The following ZNF653 variants were observed in gnomAD, a reference collection of about 807,000 sequenced individuals.
ZNF653 encodes the protein 67 kDa zinc finger protein.
ZNF653 carries 37 observed loss-of-function variants against 59.9 expected under a neutral mutation model. The observed-to-expected ratio is 0.62, with a 90% confidence interval of 0.48 to 0.81. The LOEUF (loss-of-function observed/expected upper bound fraction) is 0.81. Ranked by LOEUF, ZNF653 falls within the 40% of genes least tolerant of loss-of-function variation. The pLI is 0.00. For missense variants in ZNF653, 808 were observed against 881.1 expected, an observed-to-expected ratio of 0.92 and a Z score of 1.05; for synonymous variants, 435 against 371.8, an observed-to-expected ratio of 1.17 and a Z score of -1.96.
chr19:11,485,671 T>C lies in ZNF653; in HGVS notation c.1555A>G (p.Met519Val), dbSNP rs1186237714. ...FYLSNHLRRHMIIHSGVREFT... is the reference protein window; with the variant it reads ...FYLSNHLRRHVIIHSGVREFT... Reference sequence around the variant, plus strand: ...AGGGCCTGACCTGAATGGATGATCATGTGCCGCCGCAGGTGGTTGGATAAA... The same window carrying C: ...AGGGCCTGACCTGAATGGATGATCACGTGCCGCCGCAGGTGGTTGGATAAA... Residue 519 changes from methionine (M) to valine (V), a missense_variant, in exon 7 of 9, where the codon ATG becomes GTG. By Grantham distance (21) the Met-to-Val change is conservative. Transcript: ENST00000293771. The C allele has an allele frequency of 1.9e-6, 3 of 1,613,920 alleles. No homozygotes were observed. Among genetic ancestry groups the C allele is most frequent in the South Asian group, 1.1e-5 (1 of 91,084 alleles).
intron 3 of ZNF653, among the ~76,000 whole-genome samples, chr19:11,493,917 G>C (rs938457184): frequency 2.0e-5 from 3 of 152,082 alleles, no homozygotes; most frequent in Non-Finnish European, 2.9e-5. Flanking sequence ...TACTCAGGAG[G>C]CCAGGGTGGG....
chr19:11,484,305 A>G (rs1253054052), intron 7 of ZNF653, among the ~76,000 whole-genome samples, 164 bp from the exon 8 acceptor site: 2 of 152,026 alleles, frequency 1.3e-5, no homozygotes, highest in Non-Finnish European at 2.9e-5. Context: ...ATTTGCCCAC[A>G]GACGCCATCA....
rs1971591364 is a variant in ZNF653, at chr19:11,496,586, G to A, written c.344-421C>T. On this transcript the variant is annotated intron_variant, in intron 2 of 8. Coordinates refer to ENST00000293771, the MANE Select transcript of ZNF653 (RefSeq NM_138783.4). ...TCCCTCCTCTGCTCAGAATCCACTG[G>A]GCCAGGCGCAATGACTCACACCTGC... 2.1e-5 allele frequency among the ~76,000 whole-genome samples: 3 copies of A among 142,144 alleles called. 1 individual carries two copies. The South Asian group carries it at 6.2e-4, about 30-fold the overall frequency. 93.3% of individuals were successfully genotyped at this position (142,144 alleles called of 152,430 possible).
intron 1 of ZNF653, 40 bp downstream of exon 1, chr19:11,505,448 G>A (rs1280458714): frequency 7.1e-7 from 1 of 1,404,724 alleles, no homozygotes; most frequent in Non-Finnish European, 9.2e-7. Flanking sequence ...GGGTCTGGGG[G>A]CGTCTCCTCC....
In ZNF653 at chr19:11,505,359, G is replaced by T. The variant is rs112165363; in HGVS notation, c.299+129C>A. On this transcript the variant is annotated intron_variant, in intron 1 of 8. Coordinates refer to ENST00000293771, the MANE Select transcript of ZNF653 (RefSeq NM_138783.4). ...GGCCAGGCAGTACGAGACCCAGGCC[G>T]CCGGCCCGGCTCCTGGGCGGGGTCC... 5 of 1,009,540 alleles carry T rather than the reference G, an allele frequency of 5.0e-6. No individual in the cohort carries two copies. In the African/African-American group the frequency reaches 6.9e-5, roughly 14 times the overall value. The allele number at this position is 1,009,540 out of a possible 1,614,324, so 62.5% of individuals were successfully genotyped here. A position where few individuals can be genotyped will look rare whatever the true frequency, so the allele number is the denominator to read the frequency against.
intron 1 of ZNF653, chr19:11,500,913 C>T (rs150424487): frequency 2.5e-3 from 376 of 152,608 alleles, no homozygotes; most frequent in Middle Eastern, 6.8e-3. Context: ...TTCCAACCCC[C>T]ACACAGGGCT....
Position 11,483,524 on chromosome 19 carries a change from G to GT in ZNF653, c.*157dup. Reference sequence around the variant, plus strand: ...TCCGAGAAGGATGCGGTGGGGCGGGGTGGGGAACCTGCCCAGGGGGCCCAG... The same window carrying GT: ...TCCGAGAAGGATGCGGTGGGGCGGGGTTGGGGAACCTGCCCAGGGGGCCCAG... On this transcript the variant is annotated 3_prime_UTR_variant, in exon 9 of 9. Transcript: ENST00000293771. 1 of 1,405,552 alleles carries GT rather than the reference G, an allele frequency of 7.1e-7. No individual in the cohort carries two copies. The highest frequency in any genetic ancestry group is 9.3e-7 in the Non-Finnish European group (1 of 1,079,620). The allele number at this position is 1,405,552 out of a possible 1,614,324, so 87.1% of individuals were successfully genotyped here.
chr19:11,487,958 T>A lies in ZNF653; in HGVS notation c.560-55A>T. The A allele has an allele frequency of 7.7e-7, 1 of 1,301,318 alleles. No individual in the cohort carries two copies. The highest frequency in any genetic ancestry group is 2.7e-5 in the South Asian group (1 of 36,522). 80.6% of individuals were successfully genotyped at this position (1,301,318 alleles called of 1,614,324 possible). A position where few individuals can be genotyped will look rare whatever the true frequency, so the allele number is the denominator to read the frequency against. ...TGATAGCTGCAGCCACTGGTATTTGTTTATTTAGTTTTTATTTTATTTTAT... is the reference window on the plus strand; with the variant it reads ...TGATAGCTGCAGCCACTGGTATTTGATTATTTAGTTTTTATTTTATTTTAT... On this transcript the variant is annotated intron_variant, in intron 3 of 8. Coordinates refer to ENST00000293771, the MANE Select transcript of ZNF653 (RefSeq NM_138783.4). The surrounding 1 kb of genome is among the most constrained non-coding windows in gnomAD (Gnocchi z 5.1).
intron 3 of ZNF653, among the ~76,000 whole-genome samples, chr19:11,494,585 G>C (rs1360169467): frequency 6.6e-6 from 1 of 152,192 alleles, no homozygotes; most frequent in African/African-American, 2.4e-5. Context: ...AGCTACTAGG[G>C]AGGCTGAGGA....
At chr19:11,497,200 G>A (rs1380064559) in intron 2 of ZNF653, among the ~76,000 whole-genome samples, 2 of 152,338 alleles carry the variant, frequency 1.3e-5, no homozygotes, top group Non-Finnish European at 2.9e-5. Flanking sequence ...GTGGCCATTT[G>A]TTTACATGTG....
chr19:11,490,960 T>C (rs1025794924), intron 3 of ZNF653, among the ~76,000 whole-genome samples: 5 of 152,080 alleles, frequency 3.3e-5, no homozygotes, highest in African/African-American at 1.2e-4. Context: ...TCTTGTTGAC[T>C]TCTCTCTCTC....
intron 1 of ZNF653, 170 bp downstream of exon 1, chr19:11,505,318 G>C: frequency 1.6e-6 from 1 of 639,740 alleles, no homozygotes. Context: ...GCGGGGCCAC[G>C]AGCCAGGCGC....
chr19:11,504,047 G>C (rs1270162468), intron 1 of ZNF653, among the ~76,000 whole-genome samples: 2 of 152,134 alleles, frequency 1.3e-5, no homozygotes, highest in Non-Finnish European at 2.9e-5. Flanking sequence ...TGAGGCTGCA[G>C]TAAGCCGTGA....
chr19:11,498,442 A>C lies in ZNF653; in HGVS notation c.300-103T>G, dbSNP rs1275674193. The C allele has an allele frequency of 2.0e-6, 3 of 1,498,584 alleles. No homozygotes were observed. The East Asian group carries it at 6.8e-5, about 34-fold the overall frequency. The allele number at this position is 1,498,584 out of a possible 1,614,324, so 92.8% of individuals were successfully genotyped here. A position where few individuals can be genotyped will look rare whatever the true frequency, so the allele number is the denominator to read the frequency against. ...TAGAGCCACTGCTCATTGTACACTG[A>C]AACTAAATCTGAACTTTTTGAGATG... On this transcript the variant is annotated intron_variant, in intron 1 of 8. Coordinates refer to ENST00000293771, the MANE Select transcript of ZNF653 (RefSeq NM_138783.4).
At chr19:11,498,126 C>T (rs1714653276) in intron 2 of ZNF653, among the ~76,000 whole-genome samples, 170 bp downstream of exon 2, 1 of 152,192 alleles carries the variant, frequency 6.6e-6, no homozygotes, top group Non-Finnish European at 1.5e-5. Context: ...ATGAGGGAGC[C>T]AAGGACACTG....
rs1260495737 is a variant in ZNF653 at position 11,505,748 on chromosome 19, C to A, written c.39G>T (p.Glu13Asp). Reference protein sequence around the residue: ...ERALEPEAEAEAEAGAGGEAA... With the variant: ...ERALEPEAEADAEAGAGGEAA... ...CCTCCCCGCCCGCGCCCGCCTCAGC[C>A]TCCGCCTCCGCCTCGGGCTCTAGCG... is the stretch of plus-strand genomic sequence containing the variant. Residue 13 changes from glutamate to aspartate, a missense_variant, in exon 1 of 9, where the codon GAG becomes GAT. Coordinates refer to ENST00000293771, the MANE Select transcript of ZNF653 (RefSeq NM_138783.4). 46 of 1,439,908 alleles carry A rather than the reference C, an allele frequency of 3.2e-5. No homozygotes were observed. Among genetic ancestry groups the A allele is most frequent in the Non-Finnish European group, 4.1e-5 (45 of 1,107,088 alleles). The allele number at this position is 1,439,908 out of a possible 1,614,324, so 89.2% of individuals were successfully genotyped here. A position where few individuals can be genotyped will look rare whatever the true frequency, so the allele number is the denominator to read the frequency against.
Position 11,496,119 on chromosome 19 carries a change from G to A in ZNF653, c.390C>T (p.Tyr130=), listed in dbSNP as rs143583691. 295 of 1,613,834 alleles carry A rather than the reference G, an allele frequency of 1.8e-4. No individual in the cohort carries two copies. The highest frequency in any genetic ancestry group is 2.3e-4 in the Non-Finnish European group (271 of 1,180,010). Residue 130 remains tyrosine, a synonymous_variant, in exon 3 of 9, where the codon TAC becomes TAT. Transcript: ENST00000293771. The part of the protein sequence containing the change: ...VNCLKNVVIW[Y]EDHKHRCPYE... Reference sequence around the variant, plus strand: ...ACGGGCAGCGGTGCTTGTGGTCCTCGTACCAGATCACCACGTTCTTCAGGC... The same window carrying A: ...ACGGGCAGCGGTGCTTGTGGTCCTCATACCAGATCACCACGTTCTTCAGGC...
rs1971431410 is a variant in ZNF653 at position 11,483,654 on chromosome 19, A to C, written c.*28T>G. ...GGGCGTGGTGTCCGAGCGGACGAAT[A>C]AATAGGGGCGGTCAGTGGTCAGGTG... On this transcript the variant is annotated 3_prime_UTR_variant, in exon 9 of 9. Coordinates refer to ENST00000293771, the MANE Select transcript of ZNF653 (RefSeq NM_138783.4). 6.2e-7 allele frequency: 1 copy of C among 1,600,286 alleles called. No individual in the cohort carries two copies. The highest frequency in any genetic ancestry group is 1.3e-5 in the African/African-American group (1 of 74,478).
intron 3 of ZNF653, among the ~76,000 whole-genome samples, chr19:11,492,009 A>G (rs745339441): frequency 1.2e-4 from 18 of 150,976 alleles, no homozygotes; most frequent in Non-Finnish European, 2.7e-4. Context: ...TCCCTCCTTT[A>G]TTTTTTCCCA....
Sources: allele counts gnomAD v4.1 joint callset (sites outside exome capture counted in the v4.1 genomes callset), GRCh38; gene constraint gnomAD v4.1.1; non-coding constraint Gnocchi (gnomAD v3.1); transcripts MANE v1.5; gene names NCBI Gene and HGNC (gene_info 2026-07-23, HGNC 2026-07-21).